ODAD2: variants seen among roughly 807,000 people sequenced by gnomAD.
ODAD2 encodes the protein outer dynein arm-docking complex subunit 2.
In ODAD2, 89 loss-of-function variants were observed where a neutral mutation model predicts 106.8. The observed-to-expected ratio is 0.83, with a 90% CI of 0.70 to 0.99. ODAD2 has a LOEUF of 0.99. Among genes scored for constraint, ODAD2 ranks in the 50% least tolerant of loss-of-function variants. ODAD2 has a pLI of 0.00. For missense variants in ODAD2, 1,168 were observed against 1,238.5 expected, an observed-to-expected ratio of 0.94 and a Z score of 0.85; for synonymous variants, 404 against 436.2, an observed-to-expected ratio of 0.93 and a Z score of 0.92.
At chr10:27,993,774 A>C (rs1414996438) in intron 2 of ODAD2, among the ~76,000 whole-genome samples, 2 of 152,220 alleles carry the variant, frequency 1.3e-5, no homozygotes, top group African/African-American at 4.8e-5. Context: ...CTAAAAATGA[A>C]ATTCTGACTT....
chr10:27,961,794 G>C (rs1588618003), intron 9 of ODAD2, 79 bp from the exon 10 acceptor site: 5 of 1,253,606 alleles, frequency 4.0e-6, no homozygotes, highest in Admixed American at 4.2e-5. Context: ...GCCAGGTGCA[G>C]TGGCTCATGC....
At chr10:27,900,104 C>T (rs957542632) in intron 17 of ODAD2, among the ~76,000 whole-genome samples, 2 of 152,184 alleles carry the variant, frequency 1.3e-5, no homozygotes, top group African/African-American at 4.8e-5. Context: ...TAGGACAAAG[C>T]TTCCAGAGGA....
rs1491556365 is a variant in ODAD2, at chr10:27,885,696, A to AAATATATATAATATATAT, written c.2610+21966_2610+21967insATATATATTATATATATT. ...AAATATATATAATATATAATATATA[A>AAATATATATAATATATAT]TATATATAAAATATATATTATATAT... On this transcript the variant is annotated intron_variant, in intron 17 of 19. Coordinates refer to ENST00000305242, the MANE Select transcript of ODAD2 (RefSeq NM_018076.5). 4.5e-4 allele frequency among the ~76,000 whole-genome samples: 20 copies of AAATATATATAATATATAT among 44,470 alleles called. 1 individual carries two copies. The East Asian group carries it at 6.7e-3, about 15-fold the overall frequency. The allele number at this position is 44,470 out of a possible 152,430, so 29.2% of individuals were successfully genotyped here.
intron 17 of ODAD2, among the ~76,000 whole-genome samples, chr10:27,863,029 G>T (rs138420702): frequency 1.4e-3 from 209 of 152,264 alleles, no homozygotes; most frequent in Middle Eastern, 6.8e-3. Flanking sequence ...ATAGGACTAG[G>T]TTCCTGCAAG....
intron 16 of ODAD2, among the ~76,000 whole-genome samples, chr10:27,920,820 T>C (rs1184041986): frequency 6.6e-6 from 1 of 151,896 alleles, no homozygotes; most frequent in Non-Finnish European, 1.5e-5. Context: ...TTACTTTTTT[T>C]CTCCTTTTTA....
chr10:27,831,887 C>T (rs908495410), intron 19 of ODAD2, among the ~76,000 whole-genome samples: 5 of 152,244 alleles, frequency 3.3e-5, no homozygotes, highest in African/African-American at 1.2e-4. Flanking sequence ...TCCCCTCTCC[C>T]CTGCATGCCA....
Position 27,984,221 on chromosome 10 carries a change from T to C in ODAD2, c.645A>G (p.Gly215=), listed in dbSNP as rs1362615250. The C allele has an allele frequency of 2.5e-6, 4 of 1,613,738 alleles. No individual in the cohort carries two copies. Among genetic ancestry groups the C allele is most frequent in the Non-Finnish European group, 3.4e-6 (4 of 1,179,816 alleles). The change falls in exon 5 of 20, where the codon GGA becomes GGG. Residue 215 remains glycine (G), a synonymous_variant. Coordinates refer to ENST00000305242, the MANE Select transcript of ODAD2 (RefSeq NM_018076.5). ...IELLKRFSGK[G]NQTVLESIEY... is the part of the protein sequence containing the mutation. ...CAATAGATTCCAAGACTGTTTGGTT[T>C]CCTTTTCCTGAGAAACGTTTGAGCA...
intron 19 of ODAD2, among the ~76,000 whole-genome samples, chr10:27,813,927 A>G (rs558823478): frequency 4.6e-5 from 7 of 152,272 alleles, no homozygotes; most frequent in African/African-American, 1.2e-4. Flanking sequence ...GGATGAAATA[A>G]CTCTTCAATA....
At chr10:27,814,827 G>A (rs1294998566) in intron 19 of ODAD2, among the ~76,000 whole-genome samples, 1 of 152,110 alleles carries the variant, frequency 6.6e-6, no homozygotes, top group Non-Finnish European at 1.5e-5. Flanking sequence ...GTTCTTCCCT[G>A]TGCCTTCACC....
chr10:27,879,287 A>G (rs1841552128), intron 17 of ODAD2, among the ~76,000 whole-genome samples: 1 of 152,146 alleles, frequency 6.6e-6, no homozygotes, highest in African/African-American at 2.4e-5. Context: ...TAATTACATG[A>G]CATTCTTAAC....
At chr10:27,940,841 C>A (rs757155884) in intron 12 of ODAD2, 36 bp from the exon 13 acceptor site, 2 of 1,593,724 alleles carry the variant, frequency 1.3e-6, no homozygotes, top group South Asian at 2.2e-5. Flanking sequence ...TCATGGAAAT[C>A]TTAAAAAGAA....
chr10:27,825,857 G>T (rs1836999172), intron 19 of ODAD2, among the ~76,000 whole-genome samples: 1 of 152,234 alleles, frequency 6.6e-6, no homozygotes, highest in Non-Finnish European at 1.5e-5. Flanking sequence ...AGTAGCCCTT[G>T]TTAACACCTG....
intron 17 of ODAD2, among the ~76,000 whole-genome samples, chr10:27,862,943 T>G (rs918732984): frequency 1.3e-5 from 2 of 152,218 alleles, no homozygotes; most frequent in Admixed American, 1.3e-4. Flanking sequence ...TTCTTACTAT[T>G]TGTGGTAGCT....
At chr10:27,924,022 GAAGGAAAGA>G (rs1564509483) in intron 16 of ODAD2, among the ~76,000 whole-genome samples, 47 of 132,916 alleles carry the variant, frequency 3.5e-4, no homozygotes, top group East Asian at 1.2e-3. Context: ...AAGAAAGAAA[GAAGGAAAGA>G]GAAAGAAAGA....
intron 19 of ODAD2, among the ~76,000 whole-genome samples, chr10:27,827,383 A>AC (rs1181787701): frequency 7.4e-3 from 85 of 11,424 alleles, no homozygotes; most frequent in Non-Finnish European, 0.011. Flanking sequence ...CACACACTAT[A>AC]TATATATATA....
At chr10:27,888,436 T>C (rs1023150747) in intron 17 of ODAD2, among the ~76,000 whole-genome samples, 3 of 152,188 alleles carry the variant, frequency 2.0e-5, no homozygotes, top group Non-Finnish European at 4.4e-5. Flanking sequence ...TTGAGCAGTT[T>C]TTCATATTCC....
intron 7 of ODAD2, among the ~76,000 whole-genome samples, chr10:27,971,970 A>T (rs1202981191): frequency 2.0e-5 from 3 of 152,192 alleles, no homozygotes; most frequent in African/African-American, 4.8e-5. Flanking sequence ...AGAAACATGG[A>T]TCTATTCAAA....
intron 16 of ODAD2, among the ~76,000 whole-genome samples, chr10:27,922,154 A>AG (rs1217666747): frequency 5.3e-5 from 2 of 37,650 alleles, no homozygotes; most frequent in East Asian, 1.6e-3. Context: ...ACTCTGCCTC[A>AG]AAAAAAAAAA....
chr10:27,827,141 ATTGT>A (rs1207813488), intron 19 of ODAD2, among the ~76,000 whole-genome samples: 2 of 151,892 alleles, frequency 1.3e-5, no homozygotes, highest in Admixed American at 6.6e-5. Context: ...CACTTTCCTG[ATTGT>A]TTGTTAGTAT....
Sources: allele counts gnomAD v4.1 joint callset (sites outside exome capture counted in the v4.1 genomes callset), GRCh38; gene constraint gnomAD v4.1.1; transcripts MANE v1.5; gene names NCBI Gene and HGNC (gene_info 2026-07-23, HGNC 2026-07-21).